PDE4B: variants seen among roughly 807,000 people sequenced by gnomAD.
The protein encoded by PDE4B is 3',5'-cyclic-AMP phosphodiesterase 4B.
PDE4B carries 20 observed loss-of-function variants against 82.2 expected under a neutral mutation model. The ratio of observed to expected loss-of-function variants is 0.24; its 90% CI spans 0.17 to 0.35. PDE4B has a LOEUF of 0.35. Ranked by LOEUF, PDE4B falls within the 10% of genes least tolerant of loss-of-function variation. PDE4B has a pLI of 1.00. For missense variants in PDE4B, 655 were observed against 907.2 expected, an observed-to-expected ratio of 0.72 and a Z score of 3.57; for synonymous variants, 320 against 318.9, an observed-to-expected ratio of 1.00 and a Z score of -0.04.
intron 3 of PDE4B, among the ~76,000 whole-genome samples, chr1:65,996,956 A>G (rs1651575795): frequency 6.6e-6 from 1 of 152,198 alleles, no homozygotes; most frequent in Non-Finnish European, 1.5e-5. Flanking sequence ...GTGTTATCCT[A>G]CTTGGCCTGT....
intron 1 of PDE4B, among the ~76,000 whole-genome samples, chr1:65,903,126 G>A (rs962828072): frequency 1.3e-5 from 2 of 152,088 alleles, no homozygotes; most frequent in East Asian, 3.9e-4. Flanking sequence ...CTACTGTAGT[G>A]GTTTTCAAGC....
At chr1:66,372,226 G>A (rs760582291) in intron 16 of PDE4B, 87 bp from the exon 17 acceptor site, 25 of 1,353,830 alleles carry the variant, frequency 1.8e-5, no homozygotes, top group African/African-American at 2.9e-5. Context: ...AGTTATTAAT[G>A]TTCTTTCTTT....
At chr1:66,088,743 G>A (rs144345239) in intron 3 of PDE4B, among the ~76,000 whole-genome samples, 27 of 151,930 alleles carry the variant, frequency 1.8e-4, no homozygotes, top group African/African-American at 3.1e-4. Context: ...CTCTTCTCCC[G>A]GACACAATGC....
At chr1:66,222,156 A>C (rs921196639) in intron 3 of PDE4B, among the ~76,000 whole-genome samples, 31 of 152,168 alleles carry the variant, frequency 2.0e-4, no homozygotes, top group African/African-American at 7.2e-4. Context: ...ATCTGGCCAG[A>C]TGTTACAGAT....
chr1:66,137,780 C>A (rs1244465307), intron 3 of PDE4B, among the ~76,000 whole-genome samples: 1 of 152,134 alleles, frequency 6.6e-6, no homozygotes, highest in Non-Finnish European at 1.5e-5. Flanking sequence ...TTTATATATT[C>A]TTTATCACCT....
intron 8 of PDE4B, among the ~76,000 whole-genome samples, chr1:66,337,236 T>C (rs1327864928): frequency 6.6e-6 from 1 of 152,206 alleles, no homozygotes; most frequent in Admixed American, 6.5e-5. Flanking sequence ...CCCTGTGCTG[T>C]AATCAGAGGG....
At chr1:66,036,385 A>G (rs1416074635) in intron 3 of PDE4B, among the ~76,000 whole-genome samples, 1 of 152,162 alleles carries the variant, frequency 6.6e-6, no homozygotes, top group Non-Finnish European at 1.5e-5. Flanking sequence ...GTCATATCCA[A>G]GAAATTTCTG....
At chr1:66,347,059 A>G (rs1661445445) in intron 8 of PDE4B, among the ~76,000 whole-genome samples, 1 of 152,112 alleles carries the variant, frequency 6.6e-6, no homozygotes, top group Admixed American at 6.6e-5. Context: ...GAATCCTCAG[A>G]TGCTCCTATA....
intron 3 of PDE4B, among the ~76,000 whole-genome samples, chr1:65,941,092 T>G (rs1209675614): frequency 1.3e-5 from 2 of 152,056 alleles, no homozygotes; most frequent in Non-Finnish European, 2.9e-5. Context: ...GACAGAGGTT[T>G]GAATGTTATC....
chr1:65,909,993 G>T (rs1237839608), intron 1 of PDE4B, among the ~76,000 whole-genome samples: 1 of 152,202 alleles, frequency 6.6e-6, no homozygotes, highest in Non-Finnish European at 1.5e-5. Flanking sequence ...CAGTGGTACA[G>T]TGATAGGTTA....
intron 3 of PDE4B, among the ~76,000 whole-genome samples, chr1:66,090,046 A>G (rs1644980533): frequency 6.6e-6 from 1 of 152,078 alleles, no homozygotes. Flanking sequence ...AGAAGGGATG[A>G]TAGGAATTAC....
At chr1:65,800,747 CT>C (rs1645684805) in intron 1 of PDE4B, among the ~76,000 whole-genome samples, 1 of 152,254 alleles carries the variant, frequency 6.6e-6, no homozygotes, top group African/African-American at 2.4e-5. Flanking sequence ...AGTATAATAT[CT>C]TGATATGGTC....
At chr1:66,272,156 G>A (rs576450937) in intron 7 of PDE4B, among the ~76,000 whole-genome samples, 121 of 152,332 alleles carry the variant, frequency 7.9e-4, no homozygotes, top group Non-Finnish European at 1.5e-3. Context: ...TGGTCATGCA[G>A]CTCCCAGGCA....
intron 9 of PDE4B, chr1:66,360,852 ATAT>A (rs1046065446): frequency 5.7e-4 from 87 of 152,212 alleles, no homozygotes; most frequent in African/African-American, 2.1e-3. Context: ...ATTTTAAAAA[ATAT>A]TATGAAGTAT....
rs186393977 is a variant in PDE4B at position 66,236,486 on chromosome 1, C to T, written c.282-10974C>T. Among the ~76,000 whole-genome samples the T allele has an allele frequency of 6.6e-5, 10 of 152,082 alleles. No individual in the cohort carries two copies. In the East Asian group the frequency reaches 1.9e-3, roughly 29 times the overall value. ...CAGATTTCCATCTGGTATCATTTTC[C>T]TTCTGCTTGAAGGATTTCCTTTAAC... is the stretch of plus-strand genomic sequence containing the variant. On this transcript the variant is annotated intron_variant, in intron 3 of 16. Coordinates refer to ENST00000341517, the MANE Select transcript of PDE4B (RefSeq NM_002600.4).
intron 7 of PDE4B, among the ~76,000 whole-genome samples, chr1:66,303,357 A>G (rs1025971994): frequency 7.3e-5 from 10 of 137,642 alleles, no homozygotes; most frequent in African/African-American, 1.4e-4. Context: ...GTGTGTGTAT[A>G]TATATATATA....
intron 3 of PDE4B, among the ~76,000 whole-genome samples, chr1:66,138,816 C>T (rs1198548256): frequency 6.6e-6 from 1 of 152,132 alleles, no homozygotes; most frequent in Non-Finnish European, 1.5e-5. Context: ...AAGTGTTTTC[C>T]CTTAGAACTT....
intron 7 of PDE4B, among the ~76,000 whole-genome samples, chr1:66,328,352 G>A (rs1348121459): frequency 6.6e-6 from 1 of 152,130 alleles, no homozygotes; most frequent in East Asian, 1.9e-4. Flanking sequence ...ATGGTCCCAT[G>A]ACCTACTCTT....
intron 3 of PDE4B, among the ~76,000 whole-genome samples, chr1:65,949,078 T>G (rs1015189456): frequency 3.3e-5 from 5 of 152,066 alleles, no homozygotes; most frequent in African/African-American, 1.2e-4. Context: ...GATTATAGCC[T>G]TCTGTCCACC....
Sources: allele counts gnomAD v4.1 joint callset (sites outside exome capture counted in the v4.1 genomes callset), GRCh38; gene constraint gnomAD v4.1.1; transcripts MANE v1.5; gene names NCBI Gene and HGNC (gene_info 2026-07-23, HGNC 2026-07-21).